Variants in CFAP299 observed in about 807,000 individuals in gnomAD.
CFAP299 encodes the protein cilia- and flagella-associated protein 299.
Under a neutral mutation model 27.0 loss-of-function variants are expected in CFAP299, and 21 were observed. The ratio of observed to expected loss-of-function variants is 0.78; its 90% CI spans 0.55 to 1.12. The LOEUF (loss-of-function observed/expected upper bound fraction) is 1.12. Among genes scored for constraint, CFAP299 ranks in the 50% most tolerant of loss-of-function variants. The pLI is 0.00. For missense variants in CFAP299, 310 were observed against 276.6 expected, an observed-to-expected ratio of 1.12 and a Z score of -0.86; for synonymous variants, 104 against 98.1, an observed-to-expected ratio of 1.06 and a Z score of -0.36.
intron 2 of CFAP299, among the ~76,000 whole-genome samples, chr4:80,571,802 A>G (rs1439385574): frequency 6.6e-6 from 1 of 152,096 alleles, no homozygotes. Flanking sequence ...TGAACGCCAG[A>G]AAGAGGGCCT....
intron 3 of CFAP299, among the ~76,000 whole-genome samples, chr4:80,787,850 G>GA (rs1013153390): frequency 7.9e-5 from 12 of 151,616 alleles, no homozygotes; most frequent in East Asian, 3.9e-4. Flanking sequence ...CATTCTGCCT[G>GA]AAAAAAAATT....
chr4:80,742,091 G>T (rs1484374597), intron 3 of CFAP299, among the ~76,000 whole-genome samples: 2 of 152,118 alleles, frequency 1.3e-5, no homozygotes, highest in South Asian at 4.1e-4. Context: ...TCACTTCAAG[G>T]ATTCAAGACT....
chr4:80,869,680 AT>A (rs1290876335), intron 3 of CFAP299, among the ~76,000 whole-genome samples: 6 of 152,018 alleles, frequency 3.9e-5, no homozygotes, highest in Admixed American at 3.9e-4. Context: ...CGCCCGGCTA[AT>A]TTTTTGTATT....
intron 3 of CFAP299, among the ~76,000 whole-genome samples, chr4:80,757,014 C>A (rs1725274447): frequency 6.6e-6 from 1 of 152,100 alleles, no homozygotes; most frequent in East Asian, 1.9e-4. Context: ...ATGTGAACAC[C>A]ACGGTTTGGA....
At chr4:80,369,792 A>G (rs879843380) in intron 2 of CFAP299, among the ~76,000 whole-genome samples, 7 of 152,214 alleles carry the variant, frequency 4.6e-5, no homozygotes, top group Non-Finnish European at 8.8e-5. Context: ...ATCGGTTTTT[A>G]ATAGTATTGC....
chr4:80,469,974 G>A (rs1729905937), intron 2 of CFAP299, among the ~76,000 whole-genome samples: 1 of 151,844 alleles, frequency 6.6e-6, no homozygotes, highest in South Asian at 2.1e-4. Flanking sequence ...TCATTTGACT[G>A]AGTAAAAGAA....
chr4:80,772,250 C>T (rs1348900572), intron 3 of CFAP299, among the ~76,000 whole-genome samples: 3 of 152,118 alleles, frequency 2.0e-5, no homozygotes, highest in African/African-American at 7.2e-5. Context: ...ACGTGATAAA[C>T]CTCAATGTAG....
intron 2 of CFAP299, among the ~76,000 whole-genome samples, chr4:80,527,343 T>G (rs538925343): frequency 6.6e-6 from 1 of 152,272 alleles, no homozygotes; most frequent in East Asian, 1.9e-4. Flanking sequence ...GAGAACATTG[T>G]AAGAATTTAT....
chr4:80,559,042 A>G (rs1734916413), intron 2 of CFAP299, among the ~76,000 whole-genome samples: 1 of 152,162 alleles, frequency 6.6e-6, no homozygotes, highest in South Asian at 2.1e-4. Context: ...TACTCCACAA[A>G]TTGTGCAGGT....
chr4:80,532,702 G>A (rs985673707), intron 2 of CFAP299, among the ~76,000 whole-genome samples: 1 of 152,168 alleles, frequency 6.6e-6, no homozygotes, highest in Admixed American at 6.5e-5. Context: ...TCAATTACAT[G>A]TTAACTACTG....
In CFAP299 at chr4:80,657,508, TG is replaced by T. The variant is rs554205637; in HGVS notation, c.333+74326del. On this transcript the variant is annotated intron_variant, in intron 3 of 5. Transcript: ENST00000358105. ...GAATCCTTTCCCCATTGCTTTTTTT[TG>T]TCAGGTTTGTCAAAGATCAGATGGT... is the stretch of plus-strand genomic sequence containing the variant. Among the ~76,000 whole-genome samples, 366 of 152,298 alleles carry T rather than the reference TG, an allele frequency of 2.4e-3. 1 individual carries two copies. Among genetic ancestry groups the T allele is most frequent in the African/African-American group, 8.4e-3 (348 of 41,578 alleles).
At chr4:80,390,254 C>T (rs1170160966) in intron 2 of CFAP299, among the ~76,000 whole-genome samples, 1 of 151,772 alleles carries the variant, frequency 6.6e-6, no homozygotes, top group African/African-American at 2.4e-5. Flanking sequence ...AAACTGTATA[C>T]CCTTTGACTG....
chr4:80,934,831 C>T (rs1578250174), intron 4 of CFAP299, among the ~76,000 whole-genome samples: 1 of 151,684 alleles, frequency 6.6e-6, no homozygotes, highest in East Asian at 1.9e-4. Context: ...TTCTAACAGC[C>T]AGCTTTTGGT....
intron 4 of CFAP299, among the ~76,000 whole-genome samples, chr4:80,924,309 A>C (rs919479324): frequency 2.0e-5 from 3 of 151,768 alleles, no homozygotes; most frequent in South Asian, 2.1e-4. Context: ...TTGATCTTAC[A>C]GTTCAAAAAA....
intron 3 of CFAP299, among the ~76,000 whole-genome samples, chr4:80,851,212 G>T (rs893231744): frequency 6.6e-6 from 1 of 152,056 alleles, no homozygotes; most frequent in African/African-American, 2.4e-5. Flanking sequence ...CCAAGCTAAG[G>T]AGCATCTATA....
At chr4:80,885,039 G>C (rs539208223) in intron 4 of CFAP299, among the ~76,000 whole-genome samples, 2 of 152,266 alleles carry the variant, frequency 1.3e-5, no homozygotes, top group Admixed American at 1.3e-4. Context: ...GAGAATCTGT[G>C]AGCTTTGGGG....
At chr4:80,948,579 G>C (rs1320672535) in intron 5 of CFAP299, among the ~76,000 whole-genome samples, 1 of 151,944 alleles carries the variant, frequency 6.6e-6, no homozygotes, top group Non-Finnish European at 1.5e-5. Context: ...CCATGGGATA[G>C]TTTGCTTTGA....
chr4:80,437,865 G>A (rs1240024549), intron 2 of CFAP299, among the ~76,000 whole-genome samples: 1 of 152,094 alleles, frequency 6.6e-6, no homozygotes, highest in Non-Finnish European at 1.5e-5. Flanking sequence ...ACAGCTTATA[G>A]CACTATTGTT....
chr4:80,598,909 T>A (rs1180892734), intron 3 of CFAP299, among the ~76,000 whole-genome samples: 2 of 152,294 alleles, frequency 1.3e-5, no homozygotes, highest in African/African-American at 4.8e-5. Context: ...TGCTAGAAAC[T>A]TGACCACATT....
Sources: gnomAD v4.1 joint callset for allele counts (sites outside exome capture counted in the v4.1 genomes callset) on GRCh38, gnomAD v4.1.1 for gene constraint, MANE v1.5 for transcripts, NCBI Gene and HGNC (gene_info 2026-07-23, HGNC 2026-07-21) for gene names.